R3HCC1L: variants seen among roughly 807,000 people sequenced by gnomAD.
R3HCC1L encodes coiled-coil domain-containing protein R3HCC1L.
In R3HCC1L, 51 loss-of-function variants were observed where a neutral mutation model predicts 59.9. That is an observed-to-expected ratio of 0.85 (90% CI 0.68 to 1.07). The LOEUF is 1.07. R3HCC1L is among the 50% of genes least tolerant of loss of function. The probability of loss-of-function intolerance (pLI) is 0.00; values close to 1 mark genes in which losing one functional copy is unlikely to be tolerated. For synonymous variants in R3HCC1L, 322 were observed against 315.2 expected, an observed-to-expected ratio of 1.02 and a Z score of -0.23; for missense variants, 965 against 933.0, an observed-to-expected ratio of 1.03 and a Z score of -0.45.
At chr10:98,211,298 C>T in intron 5 of R3HCC1L, 2 of 1,496,954 alleles carry the variant, frequency 1.3e-6, no homozygotes, top group Non-Finnish European at 1.8e-6. Context: ...CTATTTACAA[C>T]TTTTTCAGGG....
At chr10:98,228,205 T>TA (rs1344783695) in intron 5 of R3HCC1L, among the ~76,000 whole-genome samples, 4 of 152,232 alleles carry the variant, frequency 2.6e-5, no homozygotes, top group Non-Finnish European at 5.9e-5. Flanking sequence ...ACCAACAGTG[T>TA]AAAAGTGTTC....
Position 98,183,481 on chromosome 10 carries a change from C to T in R3HCC1L, c.-15+20084C>T, listed in dbSNP as rs147069191. Among the ~76,000 whole-genome samples, 239 of 151,768 alleles carry T rather than the reference C, an allele frequency of 1.6e-3. 2 individuals are homozygous for T. Among genetic ancestry groups the T allele is most frequent in the African/African-American group, 5.5e-3 (226 of 41,402 alleles). On this transcript the variant is annotated intron_variant, in intron 4 of 9. Transcript: ENST00000298999. ...TGTTTATTTGATGCTGCCTAGTGTT[C>T]TCTGAGCTTTTTGGATTCTTTTGTA...
At chr10:98,174,246 A>C (rs1034178462) in intron 4 of R3HCC1L, among the ~76,000 whole-genome samples, 2 of 152,182 alleles carry the variant, frequency 1.3e-5, no homozygotes, top group Non-Finnish European at 2.9e-5. Flanking sequence ...TGTGTCGGGC[A>C]TTGTATTCAG....
chr10:98,150,192 T>C (rs947871011), intron 1 of R3HCC1L, among the ~76,000 whole-genome samples: 6 of 152,234 alleles, frequency 3.9e-5, no homozygotes, highest in African/African-American at 1.4e-4. Flanking sequence ...TGTTTCTGAA[T>C]TGCTTTTCTG....
chr10:98,142,530 A>G (rs1433835875), intron 1 of R3HCC1L, among the ~76,000 whole-genome samples: 1 of 151,800 alleles, frequency 6.6e-6, no homozygotes, highest in Admixed American at 6.6e-5. Context: ...CCCAGCTACT[A>G]GAGTGGCTGA....
chr10:98,213,336 T>C (rs1853800115), intron 5 of R3HCC1L, among the ~76,000 whole-genome samples: 2 of 152,200 alleles, frequency 1.3e-5, no homozygotes, highest in Non-Finnish European at 1.5e-5. Context: ...CTGCATGCCA[T>C]CTTTTGCTCT....
intron 2 of R3HCC1L, among the ~76,000 whole-genome samples, chr10:98,162,219 T>G (rs367862576): frequency 1.3e-5 from 2 of 152,224 alleles, no homozygotes; most frequent in African/African-American, 4.8e-5. Context: ...TGGTGGACAT[T>G]AAAGTTATTT....
intron 1 of R3HCC1L, among the ~76,000 whole-genome samples, chr10:98,136,845 C>CT (rs998468822): frequency 6.6e-6 from 1 of 152,136 alleles, no homozygotes; most frequent in Non-Finnish European, 1.5e-5. Flanking sequence ...GGGCATAACA[C>CT]TAAGTTTGGA....
At chr10:98,203,114 T>C (rs182861376) in intron 4 of R3HCC1L, among the ~76,000 whole-genome samples, 3 of 152,332 alleles carry the variant, frequency 2.0e-5, no homozygotes, top group African/African-American at 7.2e-5. Flanking sequence ...ATGCTGACTT[T>C]GATAACTGTA....
chr10:98,214,029 C>T (rs1322343458), intron 5 of R3HCC1L, among the ~76,000 whole-genome samples: 1 of 152,146 alleles, frequency 6.6e-6, no homozygotes, highest in East Asian at 1.9e-4. Context: ...AAAGAGGGAA[C>T]ATTAAGTAGA....
chr10:98,166,265 C>T (rs1050070585), intron 4 of R3HCC1L, among the ~76,000 whole-genome samples: 12 of 152,052 alleles, frequency 7.9e-5, no homozygotes, highest in African/African-American at 2.9e-4. Context: ...CTACTGCAAC[C>T]TGGAAGAGGG....
intron 5 of R3HCC1L, among the ~76,000 whole-genome samples, chr10:98,225,068 TG>T (rs1855513519): frequency 6.6e-6 from 1 of 152,242 alleles, no homozygotes; most frequent in Non-Finnish European, 1.5e-5. Flanking sequence ...CATTTTTTTT[TG>T]TATTAAGTCT....
chr10:98,172,428 T>C (rs1848605246), intron 4 of R3HCC1L, among the ~76,000 whole-genome samples: 1 of 152,176 alleles, frequency 6.6e-6, no homozygotes, highest in Non-Finnish European at 1.5e-5. Flanking sequence ...AGGATTTCTG[T>C]TCTAGAGGTT....
At position 98,192,880 on chromosome 10, in the gene R3HCC1L, A is replaced by T. The variant is rs145495929; in HGVS notation, c.-14-15221A>T. Among the ~76,000 whole-genome samples the T allele has an allele frequency of 3.0e-3, 455 of 152,322 alleles. 4 individuals are homozygous for T. The highest frequency in any genetic ancestry group is 9.3e-3 in the African/African-American group (386 of 41,576). ...CTGATGAATATTGTAAAAATCTTCC[A>T]CAAAATACTAGCAAGATGAATTCAA... On this transcript the variant is annotated intron_variant, in intron 4 of 9. Transcript: ENST00000298999.
intron 4 of R3HCC1L, among the ~76,000 whole-genome samples, chr10:98,194,362 G>A (rs1851192023): frequency 6.6e-6 from 1 of 151,848 alleles, no homozygotes; most frequent in African/African-American, 2.4e-5. Flanking sequence ...AAAAAACAGG[G>A]GAAAAGCTTC....
At chr10:98,186,446 T>A (rs903831831) in intron 4 of R3HCC1L, 1 of 865,982 alleles carries the variant, frequency 1.2e-6, no homozygotes, top group African/African-American at 1.8e-5. Flanking sequence ...TTTAATCATA[T>A]AATTTCCTTG....
At chr10:98,222,028 ATTTG>A (rs1285357620) in intron 5 of R3HCC1L, among the ~76,000 whole-genome samples, 6 of 152,092 alleles carry the variant, frequency 3.9e-5, no homozygotes, top group African/African-American at 1.4e-4. Context: ...ATGTTCTTCC[ATTTG>A]TTTGTATCCT....
At chr10:98,178,085 T>C (rs1849226707) in intron 4 of R3HCC1L, among the ~76,000 whole-genome samples, 1 of 152,206 alleles carries the variant, frequency 6.6e-6, no homozygotes, top group African/African-American at 2.4e-5. Flanking sequence ...CTATTTTGGC[T>C]TTCGTTTTTT....
intron 4 of R3HCC1L, among the ~76,000 whole-genome samples, chr10:98,171,415 T>C (rs1848495123): frequency 6.6e-6 from 1 of 152,198 alleles, no homozygotes; most frequent in South Asian, 2.1e-4. Context: ...ATGTTCTTTT[T>C]TGATAGAAAC....
Sources: gnomAD v4.1 joint callset for allele counts (sites outside exome capture counted in the v4.1 genomes callset) on GRCh38, gnomAD v4.1.1 for gene constraint, MANE v1.5 for transcripts, NCBI Gene and HGNC (gene_info 2026-07-23, HGNC 2026-07-21) for gene names.